NAPA: variants seen among roughly 807,000 people sequenced by gnomAD.
NAPA encodes NSF attachment protein alpha.
A neutral mutation model predicts 48.0 loss-of-function variants in NAPA; 18 were observed. That is an observed-to-expected ratio of 0.38 (90% CI 0.26 to 0.56). The LOEUF (loss-of-function observed/expected upper bound fraction) is 0.56, where lower values mean the gene tolerates loss of function less well. Among genes scored for constraint, NAPA ranks in the 20% least tolerant of loss-of-function variants. The probability of loss-of-function intolerance (pLI) is 0.77; values close to 1 mark genes in which losing one functional copy is unlikely to be tolerated. For missense variants in NAPA, 315 were observed against 385.0 expected (o/e 0.82, Z 1.52); for synonymous variants, 152 against 149.9 (o/e 1.01, Z -0.10).
chr19:47,492,200 C>A, intron 7 of NAPA, 81 bp from the exon 8 acceptor site: 1 of 1,250,954 alleles, frequency 8.0e-7, no homozygotes, highest in Admixed American at 1.9e-5. Context: ...ACTGGGGGGC[C>A]AGCTGGGAGC....
intron 7 of NAPA, chr19:47,492,619 G>A (rs1472038137): frequency 2.2e-6 from 1 of 450,446 alleles, no homozygotes; most frequent in Non-Finnish European, 4.2e-6. Context: ...CATGGGGTGG[G>A]GTGCCCACGG....
chr19:47,491,541 C>G (rs1325500325), intron 8 of NAPA: 1 of 154,798 alleles, frequency 6.5e-6, no homozygotes, highest in African/African-American at 2.4e-5. Flanking sequence ...TCCCACTGCC[C>G]TCTTTGGCCC....
At chr19:47,505,768 A>G (rs1034493446) in intron 1 of NAPA, among the ~76,000 whole-genome samples, 1 of 152,134 alleles carries the variant, frequency 6.6e-6, no homozygotes, top group African/African-American at 2.4e-5. Flanking sequence ...ACATCACACC[A>G]GGTAAATAAT....
intron 1 of NAPA, chr19:47,505,612 A>T (rs1568469973): frequency 6.6e-6 from 1 of 152,152 alleles, no homozygotes; most frequent in Non-Finnish European, 1.5e-5. Context: ...GGTGAGTTTG[A>T]GAAGGAAAAA....
intron 1 of NAPA, among the ~76,000 whole-genome samples, chr19:47,504,736 GAC>G (rs146748214): frequency 3.3e-5 from 5 of 151,192 alleles, no homozygotes; most frequent in South Asian, 2.1e-4. Context: ...CACATACACA[GAC>G]ACACACACAC....
chr19:47,504,597 ATTT>A (rs952380787), intron 1 of NAPA, among the ~76,000 whole-genome samples: 1 of 150,858 alleles, frequency 6.6e-6, no homozygotes, highest in Non-Finnish European at 1.5e-5. Flanking sequence ...TACTGTCTGA[ATTT>A]TTTTTTAACT....
Position 47,509,289 on chromosome 19 carries a change from A to AAAAATAAAAT in NAPA, c.98+5544_98+5553dup, listed in dbSNP as rs542864086. ...ATTCTAGAGAGTTTCTTGTGGTGGT[A>AAAAATAAAAT]AAAATAAAATAAAATAAAATAAAAT... On this transcript the variant is annotated intron_variant, in intron 1 of 10. Coordinates refer to ENST00000263354, the MANE Select transcript of NAPA (RefSeq NM_003827.4). Among the ~76,000 whole-genome samples the AAAAATAAAAT allele has an allele frequency of 2.1e-3, 271 of 129,516 alleles. 3 individuals carry two copies. Among genetic ancestry groups the AAAAATAAAAT allele is most frequent in the African/African-American group, 7.4e-3 (235 of 31,820 alleles). The allele number at this position is 129,516 out of a possible 152,430, so 85.0% of individuals were successfully genotyped here. A position where few individuals can be genotyped will look rare whatever the true frequency, so the allele number is the denominator to read the frequency against.
intron 2 of NAPA, 90 bp downstream of exon 2, chr19:47,503,333 C>T: frequency 3.2e-6 from 4 of 1,267,540 alleles, no homozygotes; most frequent in Non-Finnish European, 4.6e-6. Context: ...AGAAAGGGCC[C>T]TCAAGGCCAA....
At chr19:47,510,139 G>T (rs1233035862) in intron 1 of NAPA, among the ~76,000 whole-genome samples, 1 of 152,222 alleles carries the variant, frequency 6.6e-6, no homozygotes, top group Non-Finnish European at 1.5e-5. Context: ...TGATTCACCA[G>T]GGTGCCCACT....
At chr19:47,489,413 C>G (rs886795694) in intron 10 of NAPA, 13 of 459,406 alleles carry the variant, frequency 2.8e-5, no homozygotes, top group African/African-American at 2.1e-4. Flanking sequence ...CTCAAGGAAC[C>G]CTGGTCTTCA....
downstream of NAPA, among the ~76,000 whole-genome samples, chr19:47,485,440 TAGA>T (rs938311527): frequency 7.2e-5 from 11 of 152,310 alleles, no homozygotes; most frequent in Admixed American, 2.0e-4. Flanking sequence ...GCTTTGTCCC[TAGA>T]AGGCCATGGA....
intron 3 of NAPA, among the ~76,000 whole-genome samples, chr19:47,499,328 C>G (rs905569264): frequency 1.3e-5 from 2 of 152,226 alleles, no homozygotes; most frequent in Admixed American, 1.3e-4. Context: ...AGCAGCTGAA[C>G]GTCACAGATG....
chr19:47,504,204 G>A (rs1429535622), intron 1 of NAPA, among the ~76,000 whole-genome samples: 1 of 151,870 alleles, frequency 6.6e-6, no homozygotes, highest in East Asian at 1.9e-4. Flanking sequence ...GACCAGCCTG[G>A]GCCACACGGC....
intron 3 of NAPA, chr19:47,496,999 AG>A: frequency 3.0e-6 from 1 of 334,858 alleles, no homozygotes; most frequent in South Asian, 2.2e-5. Context: ...GGTGGCAAAA[AG>A]GGGGCAGATG....
chr19:47,512,918 C>A (rs1968832601), intron 1 of NAPA: 1 of 152,520 alleles, frequency 6.6e-6, no homozygotes, highest in South Asian at 2.1e-4. Context: ...AGTCTCTTCC[C>A]ATCCCCAGGC....
At position 47,493,477 on chromosome 19, in the gene NAPA, G is replaced by A. The variant is rs765489177; in HGVS notation, c.359C>T (p.Ala120Val). 1.1e-5 allele frequency: 18 copies of A among 1,613,956 alleles called. No individual in the cohort carries two copies. The highest frequency in any genetic ancestry group is 1.7e-5 in the Admixed American group (1 of 60,012). ...AGCAATGGAGATGTGGTGCTTGGCC[G>A]CAATCGTGAATCGGCCCTGGAGGGG... The part of the protein sequence containing the change: ...IYTDMGRFTI[A>V]AKHHISIAEI... The change falls in exon 5 of 11, where the codon GCG becomes GTG. Residue 120 changes from alanine to valine, a missense_variant. Physicochemically the swap from Ala to Val is moderately conservative, Grantham distance 64. This residue lies in a region of NAPA where 173 missense variants were observed against 213.5 expected (regional missense o/e 0.81). Coordinates refer to ENST00000263354, the MANE Select transcript of NAPA (RefSeq NM_003827.4). The surrounding 1 kb of genome is among the most constrained non-coding windows in gnomAD (Gnocchi z 6.4).
At chr19:47,504,992 C>T (rs899493990) in intron 1 of NAPA, among the ~76,000 whole-genome samples, 5 of 152,142 alleles carry the variant, frequency 3.3e-5, no homozygotes, top group African/African-American at 1.2e-4. Context: ...GCTTCTTGAC[C>T]TCCACATGTA....
At position 47,495,451 on chromosome 19, in the gene NAPA, G is replaced by A. The variant is rs562573889; in HGVS notation, c.342+99C>T. 5.4e-5 allele frequency: 72 copies of A among 1,339,666 alleles called. 1 individual carries two copies. Among genetic ancestry groups the A allele is most frequent in the Middle Eastern group, 4.3e-4 (2 of 4,626 alleles). 83.0% of individuals were successfully genotyped at this position (1,339,666 alleles called of 1,614,324 possible). On this transcript the variant is annotated intron_variant, in intron 4 of 10. Transcript: ENST00000263354. ...TTCCCCCTCCCCAAGTGGTTTGGCC[G>A]CAGAATAAGAACAGTGCTGGGGGTG... is the stretch of plus-strand genomic sequence containing the variant.
At chr19:47,497,753 T>G (rs1968466960) in intron 3 of NAPA, among the ~76,000 whole-genome samples, 1 of 152,182 alleles carries the variant, frequency 6.6e-6, no homozygotes, top group Non-Finnish European at 1.5e-5. Flanking sequence ...CTTGGTCATC[T>G]CCTCCTTAGT....
Sources: allele counts gnomAD v4.1 joint callset (sites outside exome capture counted in the v4.1 genomes callset), GRCh38; gene constraint gnomAD v4.1.1; regional missense constraint gnomAD v4.1.1; non-coding constraint Gnocchi (gnomAD v3.1); transcripts MANE v1.5; gene names NCBI Gene and HGNC (gene_info 2026-07-23, HGNC 2026-07-21).